LDB2: variants seen among roughly 807,000 people sequenced by gnomAD.
The protein encoded by LDB2 is LIM domain binding 2, also known as LIM domain-binding protein 2.
Under a neutral mutation model 44.3 loss-of-function variants are expected in LDB2, and 12 were observed. The observed-to-expected ratio is 0.27, with a 90% CI of 0.17 to 0.44. The LOEUF (loss-of-function observed/expected upper bound fraction) is 0.44, where lower values mean the gene tolerates loss of function less well. Among genes scored for constraint, LDB2 ranks in the 20% least tolerant of loss-of-function variants. The pLI is 1.00. For missense variants in LDB2, 344 were observed against 473.5 expected (o/e 0.73, Z 2.54); for synonymous variants, 164 against 174.8 (o/e 0.94, Z 0.49).
chr4:16,621,359 G>A (rs1318769171), intron 2 of LDB2, among the ~76,000 whole-genome samples: 1 of 152,130 alleles, frequency 6.6e-6, no homozygotes, highest in Admixed American at 6.5e-5. Context: ...GGTAGAGCAA[G>A]GCATAGCCTA....
chr4:16,562,561 A>C (rs1397577791), intron 5 of LDB2, among the ~76,000 whole-genome samples: 2 of 152,248 alleles, frequency 1.3e-5, no homozygotes, highest in Non-Finnish European at 2.9e-5. Flanking sequence ...AAAAGTCAGG[A>C]AACAACAGGT....
chr4:16,516,591 G>T (rs567579897), intron 5 of LDB2, among the ~76,000 whole-genome samples: 1 of 152,120 alleles, frequency 6.6e-6, no homozygotes, highest in Non-Finnish European at 1.5e-5. Flanking sequence ...CAAGGTAGAC[G>T]GTGGGGGTGA....
At chr4:16,739,482 C>T (rs530087339) in intron 2 of LDB2, among the ~76,000 whole-genome samples, 31 of 145,520 alleles carry the variant, frequency 2.1e-4, no homozygotes, top group Non-Finnish European at 3.3e-4. Context: ...GCCACTTAAG[C>T]GGCTGAGGCA....
chr4:16,706,625 C>T (rs1754674978), intron 2 of LDB2, among the ~76,000 whole-genome samples: 1 of 152,182 alleles, frequency 6.6e-6, no homozygotes, highest in Admixed American at 6.5e-5. Flanking sequence ...ATTCCATAGA[C>T]ATCAGAAGTT....
At chr4:16,821,073 CATT>C (rs1444088107) in intron 1 of LDB2, among the ~76,000 whole-genome samples, 1 of 152,088 alleles carries the variant, frequency 6.6e-6, no homozygotes, top group African/African-American at 2.4e-5. Context: ...GAAAAATACT[CATT>C]ATTTTTTGAC....
intron 1 of LDB2, among the ~76,000 whole-genome samples, chr4:16,763,387 C>A (rs1354537617): frequency 2.1e-5 from 3 of 145,102 alleles, no homozygotes; most frequent in Non-Finnish European, 3.0e-5. Context: ...ATAAAAATGA[C>A]ATTCTGTGTA....
chr4:16,644,425 T>C lies in LDB2; in HGVS notation c.236-48550A>G, dbSNP rs192032677. ...AGGTATTTCACATGAACCAATTTTTTTTTCTTTTTTTTTTTTTTTGAGATG... is the reference window on the plus strand; with the variant it reads ...AGGTATTTCACATGAACCAATTTTTCTTTCTTTTTTTTTTTTTTTGAGATG... On this transcript the variant is annotated intron_variant, in intron 2 of 7. Coordinates refer to ENST00000304523, the MANE Select transcript of LDB2 (RefSeq NM_001290.5). Among the ~76,000 whole-genome samples the C allele has an allele frequency of 6.0e-3, 909 of 151,792 alleles. 5 individuals are homozygous for C. Among genetic ancestry groups the C allele is most frequent in the Non-Finnish European group, 9.0e-3 (610 of 67,952 alleles).
chr4:16,778,107 T>G (rs1275976368), intron 1 of LDB2, among the ~76,000 whole-genome samples: 3 of 152,174 alleles, frequency 2.0e-5, no homozygotes, highest in Non-Finnish European at 4.4e-5. Context: ...TCAGTAGTCC[T>G]TATTGGGCAC....
intron 2 of LDB2, among the ~76,000 whole-genome samples, chr4:16,689,072 C>G (rs890526149): frequency 2.6e-5 from 4 of 152,206 alleles, no homozygotes; most frequent in East Asian, 1.9e-4. Context: ...CAGGATGCTG[C>G]TACATGCCCT....
intron 1 of LDB2, among the ~76,000 whole-genome samples, chr4:16,800,650 A>T (rs768070644): frequency 2.9e-4 from 44 of 152,274 alleles, no homozygotes; most frequent in Non-Finnish European, 2.6e-4. Context: ...GATAGAGAGG[A>T]ATAGAAGACG....
intron 1 of LDB2, among the ~76,000 whole-genome samples, chr4:16,876,806 T>G (rs188676786): frequency 6.6e-6 from 1 of 152,052 alleles, no homozygotes; most frequent in Non-Finnish European, 1.5e-5. Flanking sequence ...TTGCCATCGA[T>G]CCTCAAAAAT....
intron 1 of LDB2, among the ~76,000 whole-genome samples, chr4:16,813,101 C>CA (rs1780215300): frequency 1.3e-5 from 2 of 151,972 alleles, no homozygotes; most frequent in Non-Finnish European, 2.9e-5. Context: ...CAGGTTTAAG[C>CA]AATTCTCGTG....
intron 2 of LDB2, among the ~76,000 whole-genome samples, chr4:16,733,042 C>G (rs17429777): frequency 6.6e-6 from 1 of 152,090 alleles, no homozygotes; most frequent in African/African-American, 2.4e-5. Flanking sequence ...ACCAGATACA[C>G]GTTTTTATAA....
intron 1 of LDB2, among the ~76,000 whole-genome samples, chr4:16,820,935 A>C (rs753935976): frequency 1.2e-4 from 19 of 152,192 alleles, no homozygotes; most frequent in Non-Finnish European, 2.6e-4. Context: ...AATTTCTCTA[A>C]ATGGCAAATT....
At chr4:16,761,998 G>T (rs561405636) in intron 1 of LDB2, among the ~76,000 whole-genome samples, 2 of 152,004 alleles carry the variant, frequency 1.3e-5, no homozygotes, top group Non-Finnish European at 2.9e-5. Context: ...AGAAAACTCA[G>T]TGGAATAGAA....
At position 16,501,980 on chromosome 4, in the gene LDB2, A is replaced by C. The variant is rs1717633775; in HGVS notation, c.*663T>G. 1 of 152,606 alleles carries C rather than the reference A, an allele frequency of 6.6e-6. No individual in the cohort carries two copies. Among genetic ancestry groups the C allele is most frequent in the African/African-American group, 2.4e-5 (1 of 41,446 alleles). 9.5% of individuals were successfully genotyped at this position (152,606 alleles called of 1,614,324 possible). ...AATCTGCCCTGGTGTCTTTGATGAA[A>C]AAAATGACATTTCTTGTTTCAGCAC... On this transcript the variant is annotated 3_prime_UTR_variant, in exon 8 of 8. Coordinates refer to ENST00000304523, the MANE Select transcript of LDB2 (RefSeq NM_001290.5).
chr4:16,681,806 C>T (rs940992751), intron 2 of LDB2, among the ~76,000 whole-genome samples: 6 of 151,820 alleles, frequency 4.0e-5, no homozygotes, highest in Admixed American at 2.6e-4. Flanking sequence ...CTTCTGACCT[C>T]GTGATCTGCC....
chr4:16,787,044 A>G (rs1561228653), intron 1 of LDB2, among the ~76,000 whole-genome samples: 1 of 152,204 alleles, frequency 6.6e-6, no homozygotes, highest in Non-Finnish European at 1.5e-5. Flanking sequence ...GTCAGTCACA[A>G]AATGGAAATA....
At chr4:16,730,842 T>C (rs1210490615) in intron 2 of LDB2, among the ~76,000 whole-genome samples, 1 of 152,128 alleles carries the variant, frequency 6.6e-6, no homozygotes, top group African/African-American at 2.4e-5. Flanking sequence ...CAAGCTCCTA[T>C]ACCCTACTTC....
Sources: allele counts gnomAD v4.1 joint callset (sites outside exome capture counted in the v4.1 genomes callset), GRCh38; gene constraint gnomAD v4.1.1; transcripts MANE v1.5; gene names NCBI Gene and HGNC (gene_info 2026-07-23, HGNC 2026-07-21).